The following LMOD3 variants were observed in gnomAD, a reference collection of about 807,000 sequenced individuals.
LMOD3 encodes leiomodin 3.
Under a neutral mutation model 41.8 loss-of-function variants are expected in LMOD3, and 31 were observed. The ratio of observed to expected loss-of-function variants is 0.74; its 90% CI spans 0.56 to 1.00. The LOEUF is 1.00. Ranked by LOEUF, LMOD3 falls within the 50% of genes least tolerant of loss-of-function variation. The pLI, the probability that LMOD3 is intolerant of heterozygous loss-of-function variation, is 0.00. For synonymous variants in LMOD3, 292 were observed against 241.9 expected (o/e 1.21, Z -1.92); for missense variants, 755 against 679.5 (o/e 1.11, Z -1.23).
At chr3:69,110,838 C>CAAA (rs774402446) in intron 2 of LMOD3, among the ~76,000 whole-genome samples, 13 of 66,996 alleles carry the variant, frequency 1.9e-4, no homozygotes, top group South Asian at 6.0e-4. Context: ...GACACCATCT[C>CAAA]AAAAAAAAAA....
In LMOD3 at chr3:69,122,076, C is replaced by A; in HGVS notation, c.294+17G>T. On this transcript the variant is annotated intron_variant, in intron 1 of 2. Transcript: ENST00000420581. ...CCCAGGCAGCCATTTCTCGGTTGTA[C>A]ACAAATCTCTGGTTACCTCGGATTT... 1 of 1,602,164 alleles carries A rather than the reference C, an allele frequency of 6.2e-7. No homozygotes were observed. The highest frequency in any genetic ancestry group is 2.2e-5 in the East Asian group (1 of 44,570).
Position 69,118,817 on chromosome 3 carries a change from T to C in LMOD3, c.1538A>G (p.Asp513Gly). Reference protein sequence around the residue: ...REPPEKTNLKDVIKTLKPVPR... With the variant: ...REPPEKTNLKGVIKTLKPVPR... ...CACTGGCTTGAGCGTTTTGATGACA[T>C]CTTTGAGGTTGGTTTTCTCGGGTGG... is the stretch of plus-strand genomic sequence containing the variant. Residue 513 changes from aspartate (D) to glycine (G), a missense_variant, in exon 2 of 3, where the codon GAT becomes GGT. By Grantham distance (94) the Asp-to-Gly change is moderately conservative (BLOSUM62 -1). Coordinates refer to ENST00000420581, the MANE Select transcript of LMOD3 (RefSeq NM_198271.5). 6.2e-7 allele frequency: 1 copy of C among 1,610,492 alleles called. No individual in the cohort carries two copies. The highest frequency in any genetic ancestry group is 1.1e-5 in the South Asian group (1 of 90,674).
In LMOD3 at chr3:69,106,380, C is replaced by A. The variant is rs2092322741; in HGVS notation, c.*2715G>T. On this transcript the variant is annotated 3_prime_UTR_variant, in exon 3 of 3. Coordinates refer to ENST00000420581, the MANE Select transcript of LMOD3 (RefSeq NM_198271.5). Reference sequence around the variant, plus strand: ...ATAAAAAAAAAGATACCTGTAATTACTAATGGCCAGTAGTCAATTCTGGAA... The same window carrying A: ...ATAAAAAAAAAGATACCTGTAATTAATAATGGCCAGTAGTCAATTCTGGAA... 6.6e-6 allele frequency among the ~76,000 whole-genome samples: 1 copy of A among 152,020 alleles called. No homozygotes were observed. The highest frequency in any genetic ancestry group is 2.4e-5 in the African/African-American group (1 of 41,380).
chr3:69,120,584 C>T (rs1180748735), intron 1 of LMOD3, among the ~76,000 whole-genome samples: 6 of 150,588 alleles, frequency 4.0e-5, no homozygotes, highest in South Asian at 4.2e-4. Context: ...AAATTAGATA[C>T]GTTTGACATT....
At chr3:69,117,925 A>T (rs569968942) in intron 2 of LMOD3, among the ~76,000 whole-genome samples, 1 of 150,486 alleles carries the variant, frequency 6.6e-6, no homozygotes, top group East Asian at 2.0e-4. Context: ...TCCGCCTCCC[A>T]AGTTCAAGTG....
In LMOD3 at chr3:69,119,797, G is replaced by C; in HGVS notation, c.558C>G (p.Asn186Lys). Residue 186 changes from asparagine to lysine, a missense_variant, in exon 2 of 3, where the codon AAC (asparagine) becomes AAG (lysine). Physicochemically the swap from Asn to Lys is moderately conservative, Grantham distance 94 (BLOSUM62 0). Coordinates refer to ENST00000420581, the MANE Select transcript of LMOD3 (RefSeq NM_198271.5). Reference sequence around the variant, plus strand: ...CTTTGTCAGTTACCTGCTGGCAGTTGTTCTCACAATTTCTAATTTGTTCCT... The same window carrying C: ...CTTTGTCAGTTACCTGCTGGCAGTTCTTCTCACAATTTCTAATTTGTTCCT... ...KAKEQIRNCE[N>K]NCQQVTDKAF... The C allele has an allele frequency of 6.2e-7, 1 of 1,605,320 alleles. No individual in the cohort carries two copies. The highest frequency in any genetic ancestry group is 8.5e-7 in the Non-Finnish European group (1 of 1,175,062).
In LMOD3 at chr3:69,119,872, ATCT is replaced by A. The variant is rs1474847099; in HGVS notation, c.480_482del (p.Glu160del). On this transcript the variant is annotated inframe_deletion, in exon 2 of 3. Transcript: ENST00000420581. ...TCGTTTCTTCACTCTCTTCACCATC[ATCT>A]TCTCCTTCGTCGTCATCATCATCAT... The A allele has an allele frequency of 1.3e-6, 2 of 1,554,622 alleles. No individual in the cohort carries two copies. Among genetic ancestry groups the A allele is most frequent in the South Asian group, 2.3e-5 (2 of 85,138 alleles).
intron 2 of LMOD3, among the ~76,000 whole-genome samples, chr3:69,111,408 G>C (rs1321818266): frequency 6.6e-6 from 1 of 152,164 alleles, no homozygotes; most frequent in Admixed American, 6.5e-5. Flanking sequence ...CAGTAGTTAA[G>C]AGAAACCATG....
At position 69,118,681 on chromosome 3, in the gene LMOD3, C is replaced by T. The variant is rs969529223; in HGVS notation, c.1656+18G>A. On this transcript the variant is annotated intron_variant, in intron 2 of 2. Coordinates refer to ENST00000420581, the MANE Select transcript of LMOD3 (RefSeq NM_198271.5). ...TATGGAGGGTGCTCAGTCACCATTT[C>T]TCCCTCCTTCTACTTACAGGTTTAA... The T allele has an allele frequency of 6.2e-7, 1 of 1,600,046 alleles. No individual in the cohort carries two copies. The highest frequency in any genetic ancestry group is 8.5e-7 in the Non-Finnish European group (1 of 1,171,848).
chr3:69,113,436 A>C (rs865971674), intron 2 of LMOD3, among the ~76,000 whole-genome samples: 1 of 152,242 alleles, frequency 6.6e-6, no homozygotes, highest in Admixed American at 6.5e-5. Flanking sequence ...AAGAGAAAGA[A>C]GACCTCATAA....
In LMOD3 at chr3:69,119,071, A is replaced by G; in HGVS notation, c.1284T>C (p.Pro428=). The G allele has an allele frequency of 6.2e-7, 1 of 1,613,678 alleles. No individual in the cohort carries two copies. Among genetic ancestry groups the G allele is most frequent in the Non-Finnish European group, 8.5e-7 (1 of 1,179,846 alleles). ...AMLENGLGLP[P]GMWELLGGPK... ...GTCCTCCCAACAGCTCCCACATCCCAGGGGGCAGCCCCAACCCATTCTCTA... is the reference window on the plus strand; with the variant it reads ...GTCCTCCCAACAGCTCCCACATCCCGGGGGGCAGCCCCAACCCATTCTCTA... Residue 428 remains proline (P), a synonymous_variant, in exon 2 of 3, where the codon CCT becomes CCC. Transcript: ENST00000420581.
intron 2 of LMOD3, among the ~76,000 whole-genome samples, chr3:69,116,896 T>C (rs1000662429): frequency 6.6e-6 from 1 of 152,252 alleles, no homozygotes; most frequent in Admixed American, 6.5e-5. Context: ...TTCCCTCTTC[T>C]ACTCCGAACT....
chr3:69,122,425 A>T lies in LMOD3; in HGVS notation c.-39T>A, dbSNP rs780979865. 16 of 1,399,110 alleles carry T rather than the reference A, an allele frequency of 1.1e-5. No homozygotes were observed. The highest frequency in any genetic ancestry group is 5.9e-5 in the African/African-American group (4 of 68,292). 86.7% of individuals were successfully genotyped at this position (1,399,110 alleles called of 1,614,324 possible). ...TATTATTTTACTAGAAAAGAAGAATAATCAAAGATGATTTTTAAAAAGAAG... is the reference window on the plus strand; with the variant it reads ...TATTATTTTACTAGAAAAGAAGAATTATCAAAGATGATTTTTAAAAAGAAG... On this transcript the variant is annotated 5_prime_UTR_variant, in exon 1 of 3. Coordinates refer to ENST00000420581, the MANE Select transcript of LMOD3 (RefSeq NM_198271.5).
Position 69,119,908 on chromosome 3 carries a change from TTCTTCA to T in LMOD3, c.441_446del (p.Asp147_Glu148del). On this transcript the variant is annotated inframe_deletion, in exon 2 of 3. Transcript: ENST00000420581. ...CGTCGTCATCATCATCATCTTCTTC[TTCTTCA>T]TCTTCTTCATCTGTTTCTTGGATAT... The T allele has an allele frequency of 6.5e-7, 1 of 1,545,318 alleles. No homozygotes were observed. Among genetic ancestry groups the T allele is most frequent in the South Asian group, 1.2e-5 (1 of 84,622 alleles).
intron 2 of LMOD3, among the ~76,000 whole-genome samples, chr3:69,114,609 G>A (rs1382682115): frequency 6.6e-6 from 1 of 152,026 alleles, no homozygotes; most frequent in Non-Finnish European, 1.5e-5. Context: ...CCAGGTTCTA[G>A]TGATTCTCAT....
chr3:69,121,350 G>C (rs967521352), intron 1 of LMOD3, among the ~76,000 whole-genome samples: 1 of 152,088 alleles, frequency 6.6e-6, no homozygotes, highest in Non-Finnish European at 1.5e-5. Context: ...TTAACAAGAT[G>C]TATCTTTGTA....
intron 2 of LMOD3, among the ~76,000 whole-genome samples, chr3:69,113,124 G>A (rs1372338631): frequency 6.6e-6 from 1 of 152,106 alleles, no homozygotes; most frequent in Non-Finnish European, 1.5e-5. Flanking sequence ...AAAAATGGGG[G>A]AGGAGGGGTC....
At position 69,113,014 on chromosome 3, in the gene LMOD3, A is replaced by G. The variant is rs1532919; in HGVS notation, c.1657-3893T>C. On this transcript the variant is annotated intron_variant, in intron 2 of 2. Coordinates refer to ENST00000420581, the MANE Select transcript of LMOD3 (RefSeq NM_198271.5). ...TGAAATGTTACATTGCTTTTTTCCTATGGAGGCTCCCTTCATTAGAATTGT... is the reference window on the plus strand; with the variant it reads ...TGAAATGTTACATTGCTTTTTTCCTGTGGAGGCTCCCTTCATTAGAATTGT... Among the ~76,000 whole-genome samples the G allele has an allele frequency of 3.2e-3, 492 of 152,210 alleles. 2 individuals carry two copies. The highest frequency in any genetic ancestry group is 0.011 in the African/African-American group (472 of 41,524).
rs760431311 is a variant in LMOD3 at position 69,118,720 on chromosome 3, G to C, written c.1635C>G (p.Ser545Arg). ...RDQLLNDIRHSSVAYLKPVQL... is the reference protein window; with the variant it reads ...RDQLLNDIRHRSVAYLKPVQL... ...TTACAGGTTTAAGATAGGCGACACT[G>C]CTGTGACGAATGTCGTTTAGCAGCT... Residue 545 changes from serine (S) to arginine (R), a missense_variant, in exon 2 of 3, where the codon AGC becomes AGG. By Grantham distance (110) the Ser-to-Arg change is moderately radical. Coordinates refer to ENST00000420581, the MANE Select transcript of LMOD3 (RefSeq NM_198271.5). 1 of 1,612,754 alleles carries C rather than the reference G, an allele frequency of 6.2e-7. No homozygotes were observed. The highest frequency in any genetic ancestry group is 8.5e-7 in the Non-Finnish European group (1 of 1,179,574).
Sources: allele counts gnomAD v4.1 joint callset (sites outside exome capture counted in the v4.1 genomes callset), GRCh38; gene constraint gnomAD v4.1.1; transcripts MANE v1.5; gene names NCBI Gene and HGNC (gene_info 2026-07-23, HGNC 2026-07-21).